MMP15: variants seen among roughly 807,000 people sequenced by gnomAD.
MMP15 encodes the protein matrix metalloproteinase-15.
Under a neutral mutation model 65.0 loss-of-function variants are expected in MMP15, and 36 were observed. That is an observed-to-expected ratio of 0.55 (90% CI 0.42 to 0.73). The LOEUF (loss-of-function observed/expected upper bound fraction) is 0.73. Ranked by LOEUF, MMP15 falls within the 30% of genes least tolerant of loss-of-function variation. The pLI is 0.00. For missense variants in MMP15, 870 were observed against 987.8 expected (o/e 0.88, Z 1.60); for synonymous variants, 428 against 410.2 (o/e 1.04, Z -0.52).
Position 58,046,832 on chromosome 16 carries a change from G to C in MMP15, c.*1386G>C, listed in dbSNP as rs1345354069. The C allele has an allele frequency of 6.6e-6, 1 of 152,660 alleles. No individual in the cohort carries two copies. Among genetic ancestry groups the C allele is most frequent in the Non-Finnish European group, 1.5e-5 (1 of 68,048 alleles). The allele number at this position is 152,660 out of a possible 1,614,324, so 9.5% of individuals were successfully genotyped here. A position where few individuals can be genotyped will look rare whatever the true frequency, so the allele number is the denominator to read the frequency against. ...CCAGCTAAGGGGTGGGGCTGCGGGG[G>C]TTCCGTGTCCACCCCCATACATTTA... On this transcript the variant is annotated 3_prime_UTR_variant, in exon 10 of 10. Transcript: ENST00000219271.
At position 58,040,625 on chromosome 16, in the gene MMP15, G is replaced by C. The variant is rs61753767; in HGVS notation, c.837G>C (p.Pro279=). The change falls in exon 5 of 10, where the codon CCG becomes CCC. Residue 279 remains proline, a synonymous_variant. Coordinates refer to ENST00000219271, the MANE Select transcript of MMP15 (RefSeq NM_002428.4). ...HSSNPNAIMA[P]FYQWKDVDNF... ...GCAACCCCAATGCCATCATGGCGCC[G>C]TTCTACCAGTGGAAGGACGTTGACA... is the stretch of plus-strand genomic sequence containing the variant. The C allele has an allele frequency of 1.2e-5, 19 of 1,614,204 alleles. No individual in the cohort carries two copies. The South Asian group carries it at 2.0e-4, about 17-fold the overall frequency.
Position 58,039,940 on chromosome 16 carries a change from G to A in MMP15, c.506G>A (p.Arg169His), listed in dbSNP as rs749513199. 25 of 1,613,256 alleles carry A rather than the reference G, an allele frequency of 1.5e-5. No individual in the cohort carries two copies. Among genetic ancestry groups the A allele is most frequent in the South Asian group, 3.3e-5 (3 of 91,082 alleles). ...ATGGAGGCGGTGCGCAGGGCCTTCCGCGTGTGGGAGCAGGCCACGCCCCTG... is the reference window on the plus strand; with the variant it reads ...ATGGAGGCGGTGCGCAGGGCCTTCCACGTGTGGGAGCAGGCCACGCCCCTG... ...HSMEAVRRAF[R>H]VWEQATPLVF... Residue 169 changes from arginine to histidine, a missense_variant, in exon 4 of 10, where the codon CGC (arginine) becomes CAC (histidine). Transcript: ENST00000219271.
At chr16:58,030,184 G>A (rs577789099) in intron 1 of MMP15, among the ~76,000 whole-genome samples, 16 of 152,184 alleles carry the variant, frequency 1.1e-4, no homozygotes, top group Non-Finnish European at 1.9e-4. Flanking sequence ...AGACAGAGAG[G>A]GGTTGTGGAC....
At chr16:58,043,819 T>C (rs1959501786) in intron 9 of MMP15, among the ~76,000 whole-genome samples, 192 bp downstream of exon 9, 1 of 152,336 alleles carries the variant, frequency 6.6e-6, no homozygotes, top group East Asian at 1.9e-4. Context: ...ATTCCCTTTT[T>C]ACAGACAGGC....
chr16:58,038,216 G>C, intron 2 of MMP15, 50 bp from the exon 3 acceptor site: 1 of 1,601,702 alleles, frequency 6.2e-7, no homozygotes, highest in Non-Finnish European at 8.5e-7. Context: ...AGAACAGGCA[G>C]GTGTGTGGAG....
chr16:58,028,983 C>CG (rs1195072687), intron 1 of MMP15, among the ~76,000 whole-genome samples: 1 of 152,210 alleles, frequency 6.6e-6, no homozygotes, highest in African/African-American at 2.4e-5. Context: ...CCAGGCTCAC[C>CG]GGGGGAGCTC....
chr16:58,032,618 C>T (rs543315422), intron 1 of MMP15, among the ~76,000 whole-genome samples: 2 of 152,362 alleles, frequency 1.3e-5, no homozygotes, highest in African/African-American at 2.4e-5. Context: ...TGCACTCTGC[C>T]TTCTGCAAGC....
Position 58,045,294 on chromosome 16 carries a change from G to A in MMP15, c.1858G>A (p.Val620Met). Reference sequence around the variant, plus strand: ...CCGCGTGGTGGTGCAGATGGAGGAGGTGGCACGGACGGTGAACGTGGTGAT... The same window carrying A: ...CCGCGTGGTGGTGCAGATGGAGGAGATGGCACGGACGGTGAACGTGGTGAT... ...GSRVVVQMEE[V>M]ARTVNVVMVL... Residue 620 changes from valine (V) to methionine (M), a missense_variant, in exon 10 of 10, where the codon GTG becomes ATG. Val to Met is a conservative substitution (Grantham distance 21). Coordinates refer to ENST00000219271, the MANE Select transcript of MMP15 (RefSeq NM_002428.4). The A allele has an allele frequency of 6.2e-7, 1 of 1,611,002 alleles. No individual in the cohort carries two copies.
chr16:58,027,020 C>G (rs1449719137), intron 1 of MMP15, among the ~76,000 whole-genome samples: 1 of 152,256 alleles, frequency 6.6e-6, no homozygotes, highest in Non-Finnish European at 1.5e-5. Flanking sequence ...CCGAGCCGCG[C>G]ACGGCGGGCC....
chr16:58,029,181 T>C (rs1963864131), intron 1 of MMP15, among the ~76,000 whole-genome samples: 1 of 152,204 alleles, frequency 6.6e-6, no homozygotes, highest in Non-Finnish European at 1.5e-5. Flanking sequence ...ACTGAGTAGA[T>C]GAGGCAGCGG....
intron 1 of MMP15, among the ~76,000 whole-genome samples, chr16:58,030,481 G>T (rs1963878294): frequency 6.6e-6 from 1 of 152,168 alleles, no homozygotes; most frequent in Non-Finnish European, 1.5e-5. Flanking sequence ...AAGAAAAAGT[G>T]GGAAGAGACC....
rs1002421077 is a variant in MMP15 at position 58,026,397 on chromosome 16, G to A, written c.47G>A (p.Ser16Asn). 4.2e-6 allele frequency: 6 copies of A among 1,414,678 alleles called. No homozygotes were observed. The African/African-American group carries it at 4.5e-5, about 11-fold the overall frequency. 87.6% of individuals were successfully genotyped at this position (1,414,678 alleles called of 1,614,324 possible). ...CCCGGACGGCCGGGCTGGACGGGCA[G>A]CCTCCTCGGCGACCGGGAGGAGGCG... is the stretch of plus-strand genomic sequence containing the variant. Reference protein sequence around the residue: ...SAPGRPGWTGSLLGDREEAAR... With the variant: ...SAPGRPGWTGNLLGDREEAAR... Residue 16 changes from serine to asparagine, a missense_variant, in exon 1 of 10, where the codon AGC becomes AAC. Ser to Asn is a conservative substitution (Grantham distance 46). Transcript: ENST00000219271.
At chr16:58,031,837 C>T (rs1342121266) in intron 1 of MMP15, among the ~76,000 whole-genome samples, 2 of 144,392 alleles carry the variant, frequency 1.4e-5, no homozygotes, top group African/African-American at 2.6e-5. Context: ...CCAAGGAGGA[C>T]CTGGCTCGAT....
At chr16:58,029,113 C>T (rs934025499) in intron 1 of MMP15, among the ~76,000 whole-genome samples, 5 of 152,234 alleles carry the variant, frequency 3.3e-5, no homozygotes, top group African/African-American at 4.8e-5. Context: ...CCACCAAAAC[C>T]GATCCACCCG....
In MMP15 at chr16:58,045,099, G is replaced by T. The variant is rs1959529108; in HGVS notation, c.1663G>T (p.Asp555Tyr). The change falls in exon 10 of 10, where the codon GAC (aspartate) becomes TAC (tyrosine). Residue 555 changes from aspartate (D) to tyrosine (Y), a missense_variant. Transcript: ENST00000219271. ...CGGCTACCCCAAGTCCATCCTGCGG[G>T]ACTTCATGGGCTGCCAGGAGCACGT... ...EPGYPKSILR[D>Y]FMGCQEHVEP... 1 of 1,611,292 alleles carries T rather than the reference G, an allele frequency of 6.2e-7. No homozygotes were observed. Among genetic ancestry groups the T allele is most frequent in the African/African-American group, 1.3e-5 (1 of 74,886 alleles).
In MMP15 at chr16:58,037,595, G is replaced by A. The variant is rs910557137; in HGVS notation, c.286G>A (p.Gly96Ser). The A allele has an allele frequency of 1.1e-5, 18 of 1,614,052 alleles. No individual in the cohort carries two copies. The highest frequency in any genetic ancestry group is 6.7e-5 in the East Asian group (3 of 44,896). The change falls in exon 2 of 10, where the codon GGT becomes AGT. Residue 96 changes from glycine to serine, a missense_variant. Coordinates refer to ENST00000219271, the MANE Select transcript of MMP15 (RefSeq NM_002428.4). Reference protein sequence around the residue: ...MQRFYGIPVTGVLDEETKEWM... With the variant: ...MQRFYGIPVTSVLDEETKEWM... ...GCGCTTCTACGGGATCCCAGTCACCGGTGTGCTCGACGAAGAGACCAAGGA... is the reference window on the plus strand; with the variant it reads ...GCGCTTCTACGGGATCCCAGTCACCAGTGTGCTCGACGAAGAGACCAAGGA...
chr16:58,038,831 C>T (rs2405016), intron 3 of MMP15, among the ~76,000 whole-genome samples: 16,033 of 152,140 alleles, frequency 0.11, 2,763 homozygotes, highest in African/African-American at 0.36. Context: ...TGTGGTTGTC[C>T]CCAAGGGCTC....
At position 58,045,856 on chromosome 16, in the gene MMP15, C is replaced by T; in HGVS notation, c.*410C>T. 1 of 188,168 alleles carries T rather than the reference C, an allele frequency of 5.3e-6. No homozygotes were observed. Among genetic ancestry groups the T allele is most frequent in the Non-Finnish European group, 1.1e-5 (1 of 90,416 alleles). The allele number at this position is 188,168 out of a possible 1,614,324, so 11.7% of individuals were successfully genotyped here. The stretch of plus-strand genomic sequence containing the variant: ...GACTGTCTGGCCCCCCTGGTCCCCT[C>T]CTTCCCAAGTGAGTCTCTCTGGGCC... On this transcript the variant is annotated 3_prime_UTR_variant, in exon 10 of 10. Transcript: ENST00000219271.
At chr16:58,028,233 C>T (rs1454374339) in intron 1 of MMP15, among the ~76,000 whole-genome samples, 1 of 152,220 alleles carries the variant, frequency 6.6e-6, no homozygotes, top group African/African-American at 2.4e-5. Flanking sequence ...GTGCCCACAG[C>T]TCGATGCCGC....
Sources: allele counts gnomAD v4.1 joint callset (sites outside exome capture counted in the v4.1 genomes callset), GRCh38; gene constraint gnomAD v4.1.1; transcripts MANE v1.5; gene names NCBI Gene and HGNC (gene_info 2026-07-23, HGNC 2026-07-21).